The following PFKP variants were observed in gnomAD, a reference collection of about 807,000 sequenced individuals.
PFKP encodes the protein ATP-dependent 6-phosphofructokinase, platelet type.
PFKP carries 101 observed loss-of-function variants against 94.3 expected under a neutral mutation model. The ratio of observed to expected loss-of-function variants is 1.07; its 90% CI spans 0.91 to 1.26. The LOEUF (loss-of-function observed/expected upper bound fraction) is 1.26, where lower values mean the gene tolerates loss of function less well. Among genes scored for constraint, PFKP ranks in the 50% most tolerant of loss-of-function variants. PFKP has a pLI of 0.00. For synonymous variants in PFKP, 573 were observed against 432.6 expected (o/e 1.32, Z -4.03); for missense variants, 1,145 against 1,103.3 (o/e 1.04, Z -0.53).
rs762643197 is a variant in PFKP at position 3,101,478 on chromosome 10, C to T, written c.378C>T (p.Gly126=). The T allele has an allele frequency of 1.9e-5, 30 of 1,604,992 alleles. No homozygotes were observed. The highest frequency in any genetic ancestry group is 8.0e-5 in the African/African-American group (6 of 74,834). ...GCATCACCAACCTGTGTGTGATCGG[C>T]GGGGACGGGAGCCTCACCGGGGCCA... is the stretch of plus-strand genomic sequence containing the variant. The part of the protein sequence containing the change: ...QRGITNLCVI[G]GDGSLTGANL... The change falls in exon 4 of 22, where the codon GGC becomes GGT. Residue 126 remains glycine, a synonymous_variant. Transcript: ENST00000381125.
At position 3,067,607 on chromosome 10, in the gene PFKP, C is replaced by A. The variant is rs769931258; in HGVS notation, c.12C>A (p.Asp4Glu). MDADDSRAPKGSLR... is the reference protein window; with the variant it reads MDAEDSRAPKGSLR... ...TCGGCCTCCTCGCCATGGACGCGGA[C>A]GACTCCCGGGCCCCCAAGGGCTCCT... Residue 4 changes from aspartate to glutamate, a missense_variant, in exon 1 of 22, where the codon GAC (aspartate) becomes GAA (glutamate). Around this residue, in one of 3 missense-constraint regions of PFKP, gnomAD observed 1,119 missense variants for 1,062.8 expected, o/e 1.05. Transcript: ENST00000381125. 27 of 1,523,454 alleles carry A rather than the reference C, an allele frequency of 1.8e-5. No homozygotes were observed. The South Asian group carries it at 2.9e-4, about 16-fold the overall frequency. The allele number at this position is 1,523,454 out of a possible 1,614,324, so 94.4% of individuals were successfully genotyped here.
intron 4 of PFKP, among the ~76,000 whole-genome samples, chr10:3,102,046 T>C (rs540610223): frequency 2.5e-4 from 37 of 150,268 alleles, no homozygotes; most frequent in East Asian, 1.4e-3. Context: ...GGTCAGGAGA[T>C]CGAGACCATC....
intron 1 of PFKP, among the ~76,000 whole-genome samples, chr10:3,079,108 C>T (rs896314135): frequency 1.3e-5 from 2 of 152,178 alleles, no homozygotes; most frequent in Non-Finnish European, 2.9e-5. Flanking sequence ...CTGTTCTTTC[C>T]AGGTGGGTGC....
At chr10:3,107,796 C>A in intron 8 of PFKP, 1 of 1,205,238 alleles carries the variant, frequency 8.3e-7, no homozygotes, top group Non-Finnish European at 1.1e-6. Context: ...CAGGCTTTGG[C>A]AGGCTTTGGC....
rs367982413 is a variant in PFKP, at chr10:3,132,461, G to A, written c.1910+20G>A. 6.4e-7 allele frequency: 1 copy of A among 1,566,672 alleles called. No homozygotes were observed. ...GCTCAGGTGAGAGAGAGAGACCAGG[G>A]GCTGATCTTACCCTCACCGCCACAC... On this transcript the variant is annotated intron_variant, in intron 18 of 21. Transcript: ENST00000381125.
intron 13 of PFKP, 136 bp downstream of exon 13, chr10:3,113,654 A>ATGACTACTTATTTAAG (rs6143744): frequency 0.28 from 191,062 of 676,742 alleles, 32,716 homozygotes; most frequent in Admixed American, 0.34. Flanking sequence ...TTGTGACTGA[A>ATGACTACTTATTTAAG]GCATTGCTTC....
chr10:3,082,205 C>T (rs190300995), intron 1 of PFKP, among the ~76,000 whole-genome samples, 183 bp from the exon 2 acceptor site: 28 of 152,082 alleles, frequency 1.8e-4, no homozygotes, highest in African/African-American at 5.1e-4. Context: ...GGGTACCTTG[C>T]GTTACGTTGG....
At chr10:3,087,063 C>T (rs1285092098) in intron 2 of PFKP, among the ~76,000 whole-genome samples, 1 of 152,052 alleles carries the variant, frequency 6.6e-6, no homozygotes, top group African/African-American at 2.4e-5. Context: ...ACCTCCACCT[C>T]CCAGGTTCAA....
Position 3,134,293 on chromosome 10 carries a change from G to C in PFKP, c.2023-190G>C, listed in dbSNP as rs543289233. On this transcript the variant is annotated intron_variant, in intron 19 of 21. Coordinates refer to ENST00000381125, the MANE Select transcript of PFKP (RefSeq NM_002627.5). ...TATTAAAATCCTCATCTTACTGAGC[G>C]GGGGGAACACTTGATACTTTTTCTT... Among the ~76,000 whole-genome samples, 5 of 150,804 alleles carry C rather than the reference G, an allele frequency of 3.3e-5. No individual in the cohort carries two copies. The East Asian group carries it at 5.8e-4, about 17-fold the overall frequency.
rs750792751 is a variant in PFKP at position 3,113,430 on chromosome 10, C to T, written c.1283C>T (p.Ala428Val). The T allele has an allele frequency of 6.2e-7, 1 of 1,608,700 alleles. No individual in the cohort carries two copies. The change falls in exon 13 of 22, where the codon GCC becomes GTC. Residue 428 changes from alanine (A) to valine (V), a missense_variant. By Grantham distance (64) the Ala-to-Val change is moderately conservative. This residue lies in a region of PFKP where 1,119 missense variants were observed against 1,062.8 expected (regional missense o/e 1.05). Coordinates refer to ENST00000381125, the MANE Select transcript of PFKP (RefSeq NM_002627.5). ...VGAPAAGMNA[A>V]VRSAVRVGIA... ...GCACCCGCGGCTGGGATGAACGCAG[C>T]CGTACGCTCAGCTGTGCGCGTGGGC...
At chr10:3,110,919 C>G (rs866070200) in intron 10 of PFKP, among the ~76,000 whole-genome samples, 1 of 147,436 alleles carries the variant, frequency 6.8e-6, no homozygotes, top group East Asian at 2.0e-4. Flanking sequence ...CATGTTTGTA[C>G]GTGTGTGCAT....
At chr10:3,087,302 C>T (rs1490793944) in intron 2 of PFKP, among the ~76,000 whole-genome samples, 1 of 152,112 alleles carries the variant, frequency 6.6e-6, no homozygotes, top group Non-Finnish European at 1.5e-5. Context: ...CATATGTTCT[C>T]TCTGTCTCAG....
At chr10:3,069,800 A>G (rs1832047703) in intron 1 of PFKP, among the ~76,000 whole-genome samples, 1 of 152,248 alleles carries the variant, frequency 6.6e-6, no homozygotes, top group Admixed American at 6.5e-5. Context: ...CTCCATGTCC[A>G]AAAGCTTGCT....
chr10:3,098,179 G>A (rs1834652821), intron 2 of PFKP, among the ~76,000 whole-genome samples: 1 of 151,946 alleles, frequency 6.6e-6, no homozygotes, highest in Non-Finnish European at 1.5e-5. Flanking sequence ...TCTTTTTTCT[G>A]TCCTCCGGAC....
At chr10:3,120,683 G>A (rs1044722808) in intron 16 of PFKP, among the ~76,000 whole-genome samples, 1 of 151,894 alleles carries the variant, frequency 6.6e-6, no homozygotes, top group African/African-American at 2.4e-5. Context: ...TTTGTGGGAC[G>A]GGGTCTTACT....
chr10:3,104,529 G>A (rs760945054), intron 5 of PFKP, among the ~76,000 whole-genome samples: 16 of 152,350 alleles, frequency 1.1e-4, no homozygotes, highest in Non-Finnish European at 1.0e-4. Flanking sequence ...CCAGCATGGC[G>A]CCTCCCAGTC....
intron 10 of PFKP, 24 bp from the exon 11 acceptor site, chr10:3,112,198 T>C (rs1185882646): frequency 1.1e-5 from 18 of 1,601,270 alleles, no homozygotes; most frequent in Non-Finnish European, 1.3e-5. Flanking sequence ...ACATTCTTTC[T>C]TCTTTTCATC....
intron 16 of PFKP, among the ~76,000 whole-genome samples, chr10:3,120,551 A>G (rs909054607): frequency 1.8e-4 from 28 of 152,238 alleles, no homozygotes; most frequent in African/African-American, 6.5e-4. Context: ...TTGGCTGTTG[A>G]CCTCATTTTC....
chr10:3,098,134 C>T (rs1397831586), intron 2 of PFKP, among the ~76,000 whole-genome samples: 3 of 152,162 alleles, frequency 2.0e-5, no homozygotes, highest in Admixed American at 6.5e-5. Context: ...TATAGAACTC[C>T]ATAATCTATG....
Sources: gnomAD v4.1 joint callset for allele counts (sites outside exome capture counted in the v4.1 genomes callset) on GRCh38, gnomAD v4.1.1 for gene constraint, gnomAD v4.1.1 regional missense constraint, MANE v1.5 for transcripts, NCBI Gene and HGNC (gene_info 2026-07-23, HGNC 2026-07-21) for gene names.